The following CEP112 variants were observed in gnomAD, a reference collection of about 807,000 sequenced individuals.
The protein encoded by CEP112 is centrosomal protein 112.
CEP112 carries 127 observed loss-of-function variants against 153.0 expected under a neutral mutation model. The observed-to-expected ratio is 0.83, with a 90% CI of 0.72 to 0.96. CEP112 has a LOEUF of 0.96. Among genes scored for constraint, CEP112 ranks in the 40% least tolerant of loss-of-function variants. CEP112 has a pLI of 0.00. For missense variants in CEP112, 1,089 were observed against 1,101.2 expected, an observed-to-expected ratio of 0.99 and a Z score of 0.16; for synonymous variants, 358 against 374.4, an observed-to-expected ratio of 0.96 and a Z score of 0.51.
At chr17:66,053,068 C>T (rs1313664056) in intron 12 of CEP112, among the ~76,000 whole-genome samples, 2 of 147,606 alleles carry the variant, frequency 1.4e-5, no homozygotes, top group African/African-American at 5.0e-5. Flanking sequence ...GACTAAGCCA[C>T]TGTACTCCAG....
At chr17:65,739,505 GT>G (rs1227834762) in intron 23 of CEP112, among the ~76,000 whole-genome samples, 1 of 152,184 alleles carries the variant, frequency 6.6e-6, no homozygotes, top group Admixed American at 6.5e-5. Context: ...GGAGGCTGAG[GT>G]GGGCAGGTCA....
rs57368765 is a variant in CEP112, at chr17:65,781,521, CA to C, written c.2395-30798del. 6.8e-3 allele frequency among the ~76,000 whole-genome samples: 1,012 copies of C among 149,248 alleles called. 11 individuals are homozygous for C. Among genetic ancestry groups the C allele is most frequent in the African/African-American group, 0.023 (950 of 40,436 alleles). On this transcript the variant is annotated intron_variant, in intron 21 of 26. Coordinates refer to ENST00000535342, the MANE Select transcript of CEP112 (RefSeq NM_001199165.4). ...AAACTGTTATAAAATTCATATGGAA[CA>C]AAAAAAAAAGCCCAAATAACCAAAC...
intron 17 of CEP112, among the ~76,000 whole-genome samples, chr17:65,975,207 C>T (rs2111408): frequency 0.47 from 71,805 of 151,890 alleles, 18,059 homozygotes; most frequent in East Asian, 0.89. Flanking sequence ...ATTGAAAAAC[C>T]GTTTCCTGCT....
chr17:65,987,992 C>CT (rs1437625955), intron 17 of CEP112, among the ~76,000 whole-genome samples: 1 of 152,116 alleles, frequency 6.6e-6, no homozygotes, highest in Non-Finnish European at 1.5e-5. Context: ...AGAGGTGAGT[C>CT]TATCATTCTC....
intron 21 of CEP112, among the ~76,000 whole-genome samples, chr17:65,762,369 T>A (rs1282157900): frequency 1.3e-5 from 2 of 152,034 alleles, no homozygotes; most frequent in Non-Finnish European, 2.9e-5. Flanking sequence ...TGGGTCTTAT[T>A]TTTTGATCCA....
chr17:66,009,449 A>T (rs978979207), intron 16 of CEP112, among the ~76,000 whole-genome samples: 3 of 152,144 alleles, frequency 2.0e-5, no homozygotes, highest in African/African-American at 7.2e-5. Flanking sequence ...TATTTAGGAT[A>T]TTAGTCCCTT....
intron 21 of CEP112, among the ~76,000 whole-genome samples, chr17:65,755,318 C>T (rs555180522): frequency 2.9e-4 from 44 of 149,260 alleles, no homozygotes; most frequent in Middle Eastern, 3.4e-3. Context: ...GTAATACACA[C>T]TTTCAAACAA....
intron 17 of CEP112, among the ~76,000 whole-genome samples, chr17:65,971,426 T>C (rs867189266): frequency 0.014 from 2,203 of 152,272 alleles, 34 homozygotes; most frequent in Non-Finnish European, 0.021. Context: ...GCATGCTGCA[T>C]GCATGTTACA....
At chr17:65,924,570 C>T (rs895774024) in intron 19 of CEP112, among the ~76,000 whole-genome samples, 2 of 152,140 alleles carry the variant, frequency 1.3e-5, no homozygotes, top group Non-Finnish European at 2.9e-5. Context: ...TAAAGATCAT[C>T]TTCTAATAAA....
intron 4 of CEP112, among the ~76,000 whole-genome samples, chr17:66,150,997 T>C (rs1348486732): frequency 6.6e-6 from 1 of 152,208 alleles, no homozygotes; most frequent in Non-Finnish European, 1.5e-5. Flanking sequence ...TGATATTCAG[T>C]ATAGCCATTC....
At chr17:66,063,453 G>A (rs2066999323) in intron 10 of CEP112, among the ~76,000 whole-genome samples, 1 of 152,054 alleles carries the variant, frequency 6.6e-6, no homozygotes, top group Non-Finnish European at 1.5e-5. Flanking sequence ...CTATGGGTAT[G>A]CAAAGGAACA....
chr17:65,669,555 T>G (rs541368450), intron 24 of CEP112, among the ~76,000 whole-genome samples: 1 of 152,120 alleles, frequency 6.6e-6, no homozygotes, highest in South Asian at 2.1e-4. Context: ...ATTTACTGTA[T>G]GGGGAAGGCC....
At chr17:65,988,627 G>C (rs1323353518) in intron 17 of CEP112, among the ~76,000 whole-genome samples, 2 of 152,134 alleles carry the variant, frequency 1.3e-5, no homozygotes, top group Non-Finnish European at 2.9e-5. Flanking sequence ...TACATTTGCT[G>C]AACTGAAAAA....
At chr17:66,151,681 G>A (rs2071216778) in intron 4 of CEP112, among the ~76,000 whole-genome samples, 1 of 152,156 alleles carries the variant, frequency 6.6e-6, no homozygotes. Flanking sequence ...AAAAAACTGA[G>A]AGAAACTTTT....
chr17:65,711,858 C>T (rs927678242), intron 23 of CEP112, among the ~76,000 whole-genome samples: 6 of 152,304 alleles, frequency 3.9e-5, no homozygotes, highest in South Asian at 2.1e-4. Flanking sequence ...GTACCACGTC[C>T]GTTACCAAAC....
At position 66,078,771 on chromosome 17, in the gene CEP112, G is replaced by A. The variant is rs143360382; in HGVS notation, c.769-8770C>T. Among the ~76,000 whole-genome samples the A allele has an allele frequency of 7.9e-3, 1,205 of 152,130 alleles. 12 individuals carry two copies. The highest frequency in any genetic ancestry group is 0.028 in the African/African-American group (1,151 of 41,496). ...CTGTTTTGATATGTTTCTAGGATTTGTTTCAAGATTTAGAGCTCCTTTTAG... is the reference window on the plus strand; with the variant it reads ...CTGTTTTGATATGTTTCTAGGATTTATTTCAAGATTTAGAGCTCCTTTTAG... On this transcript the variant is annotated intron_variant, in intron 8 of 26. Coordinates refer to ENST00000535342, the MANE Select transcript of CEP112 (RefSeq NM_001199165.4).
At chr17:65,658,793 A>C (rs1008540642) in intron 24 of CEP112, among the ~76,000 whole-genome samples, 1 of 152,082 alleles carries the variant, frequency 6.6e-6, no homozygotes, top group Non-Finnish European at 1.5e-5. Context: ...ATGTAGAAGA[A>C]GGAAGCAGAA....
At chr17:66,010,862 G>C (rs558688056) in intron 16 of CEP112, among the ~76,000 whole-genome samples, 1 of 152,194 alleles carries the variant, frequency 6.6e-6, no homozygotes, top group East Asian at 1.9e-4. Context: ...TGGTTTCCTA[G>C]TATTTTGTTG....
chr17:65,803,962 T>C (rs2055436020), intron 21 of CEP112, among the ~76,000 whole-genome samples: 1 of 152,216 alleles, frequency 6.6e-6, no homozygotes, highest in African/African-American at 2.4e-5. Flanking sequence ...ATCCACTGTG[T>C]GTGTGTAGCA....
Sources: gnomAD v4.1 joint callset for allele counts (sites outside exome capture counted in the v4.1 genomes callset) on GRCh38, gnomAD v4.1.1 for gene constraint, MANE v1.5 for transcripts, NCBI Gene and HGNC (gene_info 2026-07-23, HGNC 2026-07-21) for gene names.